ANGPTL6: variants seen among roughly 807,000 people sequenced by gnomAD.
ANGPTL6 encodes the protein angiopoietin like 6, also known as angiopoietin-related protein 6.
ANGPTL6 carries 45 observed loss-of-function variants against 47.4 expected under a neutral mutation model. The observed-to-expected ratio is 0.95, with a 90% CI of 0.75 to 1.22. The LOEUF (loss-of-function observed/expected upper bound fraction) is 1.22, where lower values mean the gene tolerates loss of function less well. ANGPTL6 is among the 50% of genes most tolerant of loss of function. The pLI, the probability that ANGPTL6 is intolerant of heterozygous loss-of-function variation, is 0.00. For synonymous variants in ANGPTL6, 290 were observed against 295.9 expected (o/e 0.98, Z 0.20); for missense variants, 698 against 669.4 (o/e 1.04, Z -0.47).
At position 10,096,147 on chromosome 19, in the gene ANGPTL6, G is replaced by T. The variant is rs1211017726; in HGVS notation, c.417C>A (p.Leu139=). 2 of 1,364,798 alleles carry T rather than the reference G, an allele frequency of 1.5e-6. No individual in the cohort carries two copies. The highest frequency in any genetic ancestry group is 1.7e-5 in the South Asian group (1 of 58,622). 84.5% of individuals were successfully genotyped at this position (1,364,798 alleles called of 1,614,324 possible). The change falls in exon 2 of 6, where the codon CTC becomes CTA. Residue 139 remains leucine (L), a synonymous_variant. Transcript: ENST00000253109. ...GAEPAAALAL[L]GERVLNASAE... ...CGGACGCGTTGAGCACGCGCTCCCC[G>T]AGCAGCGCCAGCGCCGCGGCAGGCT...
chr19:10,104,038 A>T (rs1471444400), upstream of ANGPTL6, among the ~76,000 whole-genome samples: 2 of 144,236 alleles, frequency 1.4e-5, no homozygotes, highest in African/African-American at 2.6e-5. Context: ...GGTTGCAGTG[A>T]GCCACTGCAC....
upstream of ANGPTL6, among the ~76,000 whole-genome samples, chr19:10,105,634 C>T (rs2088801093): frequency 7.7e-6 from 1 of 130,456 alleles, no homozygotes; most frequent in African/African-American, 3.0e-5. Context: ...GGAGACACAT[C>T]TGGGGGAGAG....
upstream of ANGPTL6, among the ~76,000 whole-genome samples, chr19:10,103,634 A>ATAATTAAT (rs1568477144): frequency 6.9e-6 from 1 of 144,748 alleles, no homozygotes; most frequent in African/African-American, 2.5e-5. Context: ...TAATAAATAA[A>ATAATTAAT]TAATAATAAA....
At chr19:10,099,344 A>G (rs2088621622) in intron 1 of ANGPTL6, among the ~76,000 whole-genome samples, 1 of 152,124 alleles carries the variant, frequency 6.6e-6, no homozygotes, top group African/African-American at 2.4e-5. Context: ...TGGGAGGCGG[A>G]GGCGGGCGGA....
At chr19:10,099,984 C>A (rs2088644617) in intron 1 of ANGPTL6, among the ~76,000 whole-genome samples, 1 of 150,596 alleles carries the variant, frequency 6.6e-6, no homozygotes. Context: ...CTCAGCCTCC[C>A]AAGAAGCTGG....
chr19:10,103,703 T>A (rs998092513), upstream of ANGPTL6, among the ~76,000 whole-genome samples: 5 of 151,400 alleles, frequency 3.3e-5, no homozygotes, highest in Non-Finnish European at 7.4e-5. Flanking sequence ...TGTAAATTTT[T>A]AAATTGTGAT....
At position 10,092,547 on chromosome 19, in the gene ANGPTL6, G is replaced by A; in HGVS notation, c.*42C>T. Reference sequence around the variant, plus strand: ...GGCCAGAACAACTTGGGCTCCTGCTGACCAATGTCCTCTAGGGCCTAGGGG... The same window carrying A: ...GGCCAGAACAACTTGGGCTCCTGCTAACCAATGTCCTCTAGGGCCTAGGGG... On this transcript the variant is annotated 3_prime_UTR_variant, in exon 6 of 6. Transcript: ENST00000253109. 6.4e-7 allele frequency: 1 copy of A among 1,559,244 alleles called. No homozygotes were observed. The highest frequency in any genetic ancestry group is 1.2e-5 in the South Asian group (1 of 83,248).
In ANGPTL6 at chr19:10,096,837, C is replaced by G. The variant is rs570074575; in HGVS notation, c.-10-264G>C. Among the ~76,000 whole-genome samples, 7 of 151,828 alleles carry G rather than the reference C, an allele frequency of 4.6e-5. No homozygotes were observed. The East Asian group carries it at 1.4e-3, about 29-fold the overall frequency. On this transcript the variant is annotated intron_variant, in intron 1 of 5. Transcript: ENST00000253109. Reference sequence around the variant, plus strand: ...GGCCGGGCGCCGTAGCTCACGCCTGCAAGCTCAGCACTTTGGGAGGCCGAG... The same window carrying G: ...GGCCGGGCGCCGTAGCTCACGCCTGGAAGCTCAGCACTTTGGGAGGCCGAG...
At chr19:10,105,044 G>A (rs960253120), upstream of ANGPTL6, among the ~76,000 whole-genome samples, 3 of 152,208 alleles carry the variant, frequency 2.0e-5, no homozygotes, top group Non-Finnish European at 4.4e-5. Flanking sequence ...CCAGGCCCAG[G>A]GTCTGAGACC....
At chr19:10,093,168 G>A (rs2088436751) in intron 5 of ANGPTL6, 181 bp downstream of exon 5, 1 of 803,978 alleles carries the variant, frequency 1.2e-6, no homozygotes, top group Non-Finnish European at 1.9e-6. Flanking sequence ...GAAGGAATCT[G>A]GACTCCCCAT....
upstream of ANGPTL6, among the ~76,000 whole-genome samples, chr19:10,104,341 T>TGTGC (rs2088765629): frequency 1.3e-5 from 2 of 151,758 alleles, no homozygotes; most frequent in South Asian, 4.2e-4. Context: ...TGTGTGTGTG[T>TGTGC]GTGTGTAGTT....
At chr19:10,094,451 T>C in intron 3 of ANGPTL6, 1 of 378,172 alleles carries the variant, frequency 2.6e-6, no homozygotes, top group South Asian at 2.6e-5. Flanking sequence ...CGGCCAACTC[T>C]GGGGTTCTTA....
Position 10,096,578 on chromosome 19 carries a change from A to T in ANGPTL6, c.-10-5T>A. The T allele has an allele frequency of 6.7e-7, 1 of 1,485,246 alleles. No homozygotes were observed. The highest frequency in any genetic ancestry group is 8.9e-7 in the Non-Finnish European group (1 of 1,124,272). The allele number at this position is 1,485,246 out of a possible 1,614,324, so 92.0% of individuals were successfully genotyped here. A position where few individuals can be genotyped will look rare whatever the true frequency, so the allele number is the denominator to read the frequency against. On this transcript the variant is annotated splice_polypyrimidine_tract_variant and splice_region_variant and intron_variant, in intron 1 of 5. Coordinates refer to ENST00000253109, the MANE Select transcript of ANGPTL6 (RefSeq NM_031917.3). ...GGCTTCCCCATCGCGGCGGACCTGC[A>T]GGCAGAGGAGGAACGGAAGGAAGAC...
rs746225943 is a variant in ANGPTL6 at position 10,096,007 on chromosome 19, G to GGGCACAGGCGCTCCA, written c.542_556dup (p.Leu181_Cys185dup). 7.4e-7 allele frequency: 1 copy of GGGCACAGGCGCTCCA among 1,354,516 alleles called. No individual in the cohort carries two copies. Among genetic ancestry groups the GGGCACAGGCGCTCCA allele is most frequent in the South Asian group, 1.9e-5 (1 of 53,674 alleles). 83.9% of individuals were successfully genotyped at this position (1,354,516 alleles called of 1,614,324 possible). ...CTGCTGCTGCCCGCCCGCGCCTCCC[G>GGGCACAGGCGCTCCA]GGCACAGGCGCTCCAGGCGGGCGAT... On this transcript the variant is annotated inframe_insertion, in exon 2 of 6. Transcript: ENST00000253109.
chr19:10,096,202 C>G lies in ANGPTL6; in HGVS notation c.362G>C (p.Gly121Ala), dbSNP rs1343086634. The change falls in exon 2 of 6, where the codon GGG becomes GCG. Residue 121 changes from glycine to alanine, a missense_variant. Gly to Ala is a moderately conservative substitution (Grantham distance 60). Coordinates refer to ENST00000253109, the MANE Select transcript of ANGPTL6 (RefSeq NM_031917.3). ...CCCCAGATCCGCCCCCGGGCCCGCC[C>G]CGGGCCCCGCCTCGTGCTGCAGCTG... ...RAQLQHEAGP[G>A]AGPGADLGAE... is the part of the protein sequence containing the mutation. 4 of 1,224,438 alleles carry G rather than the reference C, an allele frequency of 3.3e-6. No homozygotes were observed. Among genetic ancestry groups the G allele is most frequent in the African/African-American group, 1.6e-5 (1 of 63,418 alleles). 75.8% of individuals were successfully genotyped at this position (1,224,438 alleles called of 1,614,324 possible). A position where few individuals can be genotyped will look rare whatever the true frequency, so the allele number is the denominator to read the frequency against.
upstream of ANGPTL6, chr19:10,106,154 C>T (rs1440831856): frequency 3.0e-6 from 2 of 656,828 alleles, no homozygotes; most frequent in African/African-American, 1.9e-5. Context: ...GGATTCGAAC[C>T]GGCGGATTCG....
intron 2 of ANGPTL6, 83 bp from the exon 3 acceptor site, chr19:10,095,021 A>C: frequency 7.4e-7 from 1 of 1,356,002 alleles, no homozygotes; most frequent in Non-Finnish European, 9.8e-7. Flanking sequence ...ATGGTGGATA[A>C]ATCTCCCAGC....
At position 10,093,616 on chromosome 19, in the gene ANGPTL6, C is replaced by G; in HGVS notation, c.955G>C (p.Gly319Arg). 6.2e-7 allele frequency: 1 copy of G among 1,613,532 alleles called. No individual in the cohort carries two copies. Among genetic ancestry groups the G allele is most frequent in the Non-Finnish European group, 8.5e-7 (1 of 1,179,522 alleles). Residue 319 changes from glycine (G) to arginine (R), a missense_variant, in exon 5 of 6, where the codon GGC becomes CGC. By Grantham distance (125) the Gly-to-Arg change is moderately radical. Coordinates refer to ENST00000253109, the MANE Select transcript of ANGPTL6 (RefSeq NM_031917.3). ...FFTTWQHYKA[G>R]FGRPDGEYWL... Reference sequence around the variant, plus strand: ...TATTCTCCGTCTGGCCGCCCAAAGCCCGCCTGGCAGGGCAGGAAAGTCAGG... The same window carrying G: ...TATTCTCCGTCTGGCCGCCCAAAGCGCGCCTGGCAGGGCAGGAAAGTCAGG...
At chr19:10,096,652 C>A in intron 1 of ANGPTL6, 79 bp from the exon 2 acceptor site, 1 of 1,123,632 alleles carries the variant, frequency 8.9e-7, no homozygotes, top group East Asian at 3.2e-5. Flanking sequence ...CGGGGATGCG[C>A]GCGTCTACAC....
Sources: gnomAD v4.1 joint callset for allele counts (sites outside exome capture counted in the v4.1 genomes callset) on GRCh38, gnomAD v4.1.1 for gene constraint, MANE v1.5 for transcripts, NCBI Gene and HGNC (gene_info 2026-07-23, HGNC 2026-07-21) for gene names.